The following GRM8 variants were observed in gnomAD, a reference collection of about 807,000 sequenced individuals.
GRM8 encodes the protein metabotropic glutamate receptor 8.
Under a neutral mutation model 87.2 loss-of-function variants are expected in GRM8, and 47 were observed. The ratio of observed to expected loss-of-function variants is 0.54; its 90% CI spans 0.43 to 0.69. The LOEUF is 0.69. GRM8 is among the 30% of genes least tolerant of loss of function. GRM8 has a pLI of 0.00. For missense variants in GRM8, 1,019 were observed against 1,139.2 expected (o/e 0.89, Z 1.52); for synonymous variants, 396 against 404.5 (o/e 0.98, Z 0.25).
chr7:127,171,825 C>A (rs1375274868), intron 2 of GRM8, among the ~76,000 whole-genome samples: 2 of 152,150 alleles, frequency 1.3e-5, no homozygotes, highest in Non-Finnish European at 2.9e-5. Flanking sequence ...TTATAATCTA[C>A]AAGTAAGCTA....
intron 6 of GRM8, among the ~76,000 whole-genome samples, chr7:126,894,524 G>GA (rs918161499): frequency 5.3e-5 from 8 of 151,840 alleles, no homozygotes; most frequent in African/African-American, 1.7e-4. Context: ...ATTATTTTCT[G>GA]AAAAAATGTG....
At chr7:126,488,962 A>G (rs1206497349) in intron 9 of GRM8, among the ~76,000 whole-genome samples, 1 of 151,710 alleles carries the variant, frequency 6.6e-6, no homozygotes. Flanking sequence ...GGTAACTAAT[A>G]TATATCAAAT....
intron 3 of GRM8, among the ~76,000 whole-genome samples, chr7:127,059,646 ATTT>A (rs1206246256): frequency 6.6e-6 from 1 of 152,032 alleles, no homozygotes; most frequent in Admixed American, 6.5e-5. Context: ...CATATAAATG[ATTT>A]TTAAGAGGTA....
chr7:127,068,832 G>A (rs577410573), intron 3 of GRM8, among the ~76,000 whole-genome samples: 1 of 152,240 alleles, frequency 6.6e-6, no homozygotes, highest in East Asian at 1.9e-4. Flanking sequence ...CTCCTGGCCT[G>A]TCTTCTCTTT....
At chr7:127,125,459 A>G (rs1827307778) in intron 2 of GRM8, among the ~76,000 whole-genome samples, 1 of 151,966 alleles carries the variant, frequency 6.6e-6, no homozygotes, top group African/African-American at 2.4e-5. Context: ...TGGACAACTG[A>G]CCCAAACACA....
intron 6 of GRM8, among the ~76,000 whole-genome samples, chr7:126,883,011 T>G (rs1434679990): frequency 6.6e-6 from 1 of 152,176 alleles, no homozygotes; most frequent in African/African-American, 2.4e-5. Flanking sequence ...ATTTCTGAGT[T>G]GGTCAGAGGA....
chr7:126,920,416 T>C (rs954423881), intron 3 of GRM8, among the ~76,000 whole-genome samples: 1 of 152,052 alleles, frequency 6.6e-6, no homozygotes, highest in Non-Finnish European at 1.5e-5. Context: ...ATGTCACCAA[T>C]GTTTTGAAAG....
chr7:126,748,466 A>T (rs1282305713), intron 7 of GRM8, among the ~76,000 whole-genome samples: 1 of 145,760 alleles, frequency 6.9e-6, no homozygotes, highest in Non-Finnish European at 1.5e-5. Context: ...AATTTAAAAC[A>T]TTGTGGAGAT....
At chr7:127,118,015 CAT>C (rs1418524749) in intron 2 of GRM8, among the ~76,000 whole-genome samples, 1 of 152,212 alleles carries the variant, frequency 6.6e-6, no homozygotes, top group East Asian at 1.9e-4. Context: ...CTGGCAATTT[CAT>C]GGATTTTTAG....
intron 6 of GRM8, among the ~76,000 whole-genome samples, chr7:126,878,757 C>T (rs936728197): frequency 2.0e-5 from 3 of 151,952 alleles, no homozygotes; most frequent in African/African-American, 7.2e-5. Flanking sequence ...GAACTCCTGA[C>T]CTCAAATTAT....
intron 3 of GRM8, among the ~76,000 whole-genome samples, chr7:126,931,866 TTAA>T (rs1359545450): frequency 3.3e-5 from 5 of 152,146 alleles, no homozygotes; most frequent in African/African-American, 4.8e-5. Context: ...TTACAAATAC[TTAA>T]TAATTTATCA....
chr7:127,209,638 G>A (rs1288555917), intron 2 of GRM8, among the ~76,000 whole-genome samples: 1 of 152,156 alleles, frequency 6.6e-6, no homozygotes, highest in African/African-American at 2.4e-5. Context: ...GTCCTTTGGG[G>A]ATTGTAATGC....
chr7:126,511,500 G>T (rs542253807), intron 9 of GRM8: 4 of 152,046 alleles, frequency 2.6e-5, no homozygotes, highest in Admixed American at 2.0e-4. Context: ...TGTGATGAGG[G>T]TGACTCTATG....
intron 7 of GRM8, among the ~76,000 whole-genome samples, chr7:126,734,114 T>G (rs1813920772): frequency 6.6e-6 from 1 of 151,958 alleles, no homozygotes; most frequent in South Asian, 2.1e-4. Context: ...ATAAACTTAG[T>G]GGGAATTTCC....
chr7:126,873,078 C>T (rs1294316151), intron 6 of GRM8, among the ~76,000 whole-genome samples: 1 of 152,142 alleles, frequency 6.6e-6, no homozygotes, highest in African/African-American at 2.4e-5. Flanking sequence ...CATACATACA[C>T]ACACATACAG....
At chr7:127,007,042 G>A (rs1471986496) in intron 3 of GRM8, among the ~76,000 whole-genome samples, 1 of 151,910 alleles carries the variant, frequency 6.6e-6, no homozygotes, top group Non-Finnish European at 1.5e-5. Flanking sequence ...CTTGATGGAA[G>A]GTGGAACCCA....
intron 3 of GRM8, among the ~76,000 whole-genome samples, chr7:127,004,121 A>G (rs1814022267): frequency 6.6e-6 from 1 of 151,736 alleles, no homozygotes; most frequent in South Asian, 2.1e-4. Context: ...ATCAGATAAG[A>G]GCACTTATTT....
chr7:126,528,021 T>C (rs1402141448), intron 9 of GRM8, among the ~76,000 whole-genome samples: 2 of 152,282 alleles, frequency 1.3e-5, no homozygotes, highest in South Asian at 2.1e-4. Flanking sequence ...CTGGCCAACA[T>C]GGTGAAACCC....
intron 6 of GRM8, among the ~76,000 whole-genome samples, chr7:126,834,211 C>T (rs1278906920): frequency 1.3e-5 from 2 of 152,152 alleles, no homozygotes; most frequent in Non-Finnish European, 2.9e-5. Context: ...AGAAAACTAT[C>T]TTTGACAGAG....
Sources: allele counts gnomAD v4.1 joint callset (sites outside exome capture counted in the v4.1 genomes callset), GRCh38; gene constraint gnomAD v4.1.1; transcripts MANE v1.5; gene names NCBI Gene and HGNC (gene_info 2026-07-23, HGNC 2026-07-21).